The following RALGAPA1 variants were observed in gnomAD, a reference collection of about 807,000 sequenced individuals.
RALGAPA1 encodes Ral GTPase activating protein catalytic subunit alpha 1.
Under a neutral mutation model 269.6 loss-of-function variants are expected in RALGAPA1, and 52 were observed. The ratio of observed to expected loss-of-function variants is 0.19; its 90% CI spans 0.15 to 0.24. The LOEUF is 0.24. Ranked by LOEUF, RALGAPA1 falls within the 10% of genes least tolerant of loss-of-function variation. The pLI, the probability that RALGAPA1 is intolerant of heterozygous loss-of-function variation, is 1.00. For missense variants in RALGAPA1, 1,917 were observed against 3,013.9 expected (o/e 0.64, Z 8.52); for synonymous variants, 817 against 1,008.3 (o/e 0.81, Z 3.60).
At chr14:35,738,043 G>A (rs1364857355) in intron 12 of RALGAPA1, among the ~76,000 whole-genome samples, 3 of 150,216 alleles carry the variant, frequency 2.0e-5, no homozygotes, top group Admixed American at 6.6e-5. Flanking sequence ...GGCCAAGATC[G>A]CACCATTGCA....
In RALGAPA1 at chr14:35,590,549, C is replaced by T. The variant is rs116493133; in HGVS notation, c.7209+5085G>A. Among the ~76,000 whole-genome samples the T allele has an allele frequency of 4.2e-3, 647 of 152,320 alleles. 6 individuals carry two copies. Among genetic ancestry groups the T allele is most frequent in the African/African-American group, 0.015 (622 of 41,560 alleles). On this transcript the variant is annotated intron_variant, in intron 37 of 41. Coordinates refer to ENST00000680220, the MANE Select transcript of RALGAPA1 (RefSeq NM_001346249.2). ...TAAGGGTTTGACAGTTACTCCTTCA[C>T]ATGCTCACACTCCGTGGCCTGCCGC...
chr14:35,650,436 G>A (rs1236002364), intron 31 of RALGAPA1, among the ~76,000 whole-genome samples: 1 of 151,868 alleles, frequency 6.6e-6, no homozygotes, highest in East Asian at 1.9e-4. Flanking sequence ...TGAAGTATAT[G>A]TCTCTTTTAA....
chr14:35,677,282 C>T (rs2065031604), intron 22 of RALGAPA1: 1 of 152,182 alleles, frequency 6.6e-6, no homozygotes, highest in South Asian at 2.1e-4. Flanking sequence ...TGAAAACTAG[C>T]TTTTCATTCA....
In RALGAPA1 at chr14:35,572,590, C is replaced by T. The variant is rs2139476852; in HGVS notation, c.7338G>A (p.Met2446Ile). 4 of 1,603,536 alleles carry T rather than the reference C, an allele frequency of 2.5e-6. No homozygotes were observed. In the East Asian group the frequency reaches 9.0e-5, roughly 36 times the overall value. ...GTTTTTTCATTATCTGAATACTGAACATGTGATTTTTCATTGGATATATTA... is the reference window on the plus strand; with the variant it reads ...GTTTTTTCATTATCTGAATACTGAATATGTGATTTTTCATTGGATATATTA... ...LIVIYPMKNH[M>I]FSIQIMKKPE... The change falls in exon 38 of 42, where the codon ATG becomes ATA. Residue 2446 changes from methionine to isoleucine, a missense_variant. By Grantham distance (10) the Met-to-Ile change is conservative (BLOSUM62 1). Coordinates refer to ENST00000680220, the MANE Select transcript of RALGAPA1 (RefSeq NM_001346249.2).
chr14:35,693,578 C>T (rs934060983), intron 17 of RALGAPA1, among the ~76,000 whole-genome samples: 1 of 151,934 alleles, frequency 6.6e-6, no homozygotes, highest in Admixed American at 6.5e-5. Flanking sequence ...AACTCCTCTA[C>T]TAACATACCT....
chr14:35,691,095 T>A (rs1025387740), intron 17 of RALGAPA1, among the ~76,000 whole-genome samples: 17 of 149,720 alleles, frequency 1.1e-4, no homozygotes, highest in African/African-American at 2.7e-4. Context: ...TAATAATTAT[T>A]ATTATTATTA....
chr14:35,545,009 T>G (rs2054325894), intron 41 of RALGAPA1, among the ~76,000 whole-genome samples: 1 of 152,134 alleles, frequency 6.6e-6, no homozygotes. Flanking sequence ...ATTGCGCCAC[T>G]GCACTCCAGC....
intron 14 of RALGAPA1, among the ~76,000 whole-genome samples, chr14:35,724,558 T>C (rs2140980929): frequency 6.6e-6 from 1 of 152,268 alleles, no homozygotes; most frequent in Middle Eastern, 3.4e-3. Context: ...AATAAAGTCT[T>C]ATTAAAAAAA....
At chr14:35,808,649 CGA>C (rs926428343) in intron 1 of RALGAPA1, 79 bp downstream of exon 1, 5 of 1,469,952 alleles carry the variant, frequency 3.4e-6, no homozygotes, top group Non-Finnish European at 4.6e-6. Flanking sequence ...CGCCAGGTCC[CGA>C]GAGAGAGTCC....
chr14:35,638,180 C>T (rs778251815), intron 31 of RALGAPA1, among the ~76,000 whole-genome samples: 9 of 152,160 alleles, frequency 5.9e-5, no homozygotes, highest in South Asian at 2.1e-4. Context: ...AATACTATAA[C>T]GCTGTAATTG....
intron 6 of RALGAPA1, among the ~76,000 whole-genome samples, chr14:35,758,824 G>A (rs1347463900): frequency 6.6e-6 from 1 of 152,194 alleles, no homozygotes; most frequent in East Asian, 1.9e-4. Flanking sequence ...TAGAACATCT[G>A]TTAAGTAGAC....
chr14:35,688,511 T>C lies in RALGAPA1; in HGVS notation c.3900A>G (p.Pro1300=). Reference sequence around the variant, plus strand: ...TTACATGACTGTACAGATCCCTCAGTGGAGCCTCTGGTGGCATTCTGTTCT... The same window carrying C: ...TTACATGACTGTACAGATCCCTCAGCGGAGCCTCTGGTGGCATTCTGTTCT... ...QRQNRMPPEA[P]LRDLYSHVMG... is the part of the protein sequence containing the mutation. The change falls in exon 18 of 42, where the codon CCA becomes CCG. Residue 1300 remains proline (P), a synonymous_variant. Coordinates refer to ENST00000680220, the MANE Select transcript of RALGAPA1 (RefSeq NM_001346249.2). The C allele has an allele frequency of 6.5e-7, 1 of 1,536,148 alleles. No individual in the cohort carries two copies. The highest frequency in any genetic ancestry group is 1.2e-5 in the South Asian group (1 of 84,064).
intron 31 of RALGAPA1, among the ~76,000 whole-genome samples, chr14:35,647,935 G>A (rs762937771): frequency 8.6e-5 from 13 of 151,298 alleles, no homozygotes; most frequent in Admixed American, 4.6e-4. Context: ...GTGACACAGC[G>A]AAACTCCGTC....
intron 12 of RALGAPA1, 116 bp downstream of exon 12, chr14:35,738,397 T>C: frequency 1.7e-6 from 1 of 590,976 alleles, no homozygotes; most frequent in Non-Finnish European, 2.6e-6. Flanking sequence ...TATGGCATAA[T>C]GATAAATATA....
intron 41 of RALGAPA1, chr14:35,542,179 A>C (rs777675993): frequency 5.6e-6 from 2 of 358,910 alleles, no homozygotes; most frequent in Non-Finnish European, 1.0e-5. Flanking sequence ...TGCATTGTCC[A>C]ATGTGGTAGC....
intron 37 of RALGAPA1, among the ~76,000 whole-genome samples, chr14:35,587,644 TCA>T (rs2058383734): frequency 6.7e-6 from 1 of 150,058 alleles, no homozygotes; most frequent in Admixed American, 6.7e-5. Flanking sequence ...CCGCATGTTC[TCA>T]CTCATAGGTG....
intron 6 of RALGAPA1, among the ~76,000 whole-genome samples, chr14:35,759,571 C>G (rs1037522205): frequency 4.9e-5 from 7 of 143,870 alleles, no homozygotes; most frequent in Admixed American, 4.2e-4. Context: ...GATTCGTACA[C>G]GAAGATGAGA....
intron 1 of RALGAPA1, among the ~76,000 whole-genome samples, chr14:35,807,372 T>G (rs1447437035): frequency 1.3e-5 from 2 of 152,236 alleles, no homozygotes; most frequent in Admixed American, 6.5e-5. Context: ...GCTTTACATT[T>G]TCTTGAAAAC....
intron 6 of RALGAPA1, among the ~76,000 whole-genome samples, chr14:35,757,118 TA>T (rs1266618273): frequency 4.4e-4 from 60 of 136,618 alleles, no homozygotes; most frequent in African/African-American, 1.8e-3. Flanking sequence ...TTATTATTAT[TA>T]TTTTTTTTTT....
Sources: allele counts gnomAD v4.1 joint callset (sites outside exome capture counted in the v4.1 genomes callset), GRCh38; gene constraint gnomAD v4.1.1; transcripts MANE v1.5; gene names NCBI Gene and HGNC (gene_info 2026-07-23, HGNC 2026-07-21).